STK32B: variants seen among roughly 807,000 people sequenced by gnomAD.
STK32B encodes serine/threonine-protein kinase 32B.
A neutral mutation model predicts 52.6 loss-of-function variants in STK32B; 43 were observed. The ratio of observed to expected loss-of-function variants is 0.82; its 90% CI spans 0.64 to 1.05. The LOEUF (loss-of-function observed/expected upper bound fraction) is 1.05. STK32B is among the 50% of genes least tolerant of loss of function. STK32B has a pLI of 0.00. For missense variants in STK32B, 621 were observed against 534.6 expected (o/e 1.16, Z -1.59); for synonymous variants, 238 against 204.3 (o/e 1.17, Z -1.41).
chr4:5,266,415 G>A (rs1259457907), intron 3 of STK32B, among the ~76,000 whole-genome samples: 1 of 152,160 alleles, frequency 6.6e-6, no homozygotes, highest in Non-Finnish European at 1.5e-5. Context: ...GTTAGGTCTG[G>A]TTTCAAAAAC....
chr4:5,239,088 G>A (rs1724824329), intron 3 of STK32B, among the ~76,000 whole-genome samples: 1 of 152,144 alleles, frequency 6.6e-6, no homozygotes, highest in Non-Finnish European at 1.5e-5. Flanking sequence ...CATGCTGCAG[G>A]AGCAGTGCAT....
At chr4:5,373,019 T>C (rs1018090940) in intron 4 of STK32B, among the ~76,000 whole-genome samples, 2 of 152,072 alleles carry the variant, frequency 1.3e-5, no homozygotes, top group Middle Eastern at 3.2e-3. Context: ...TTGGGAGTCG[T>C]GATTGGAATT....
In STK32B at chr4:5,234,300, T is replaced by C. The variant is rs146514253; in HGVS notation, c.260+65850T>C. 1.4e-3 allele frequency among the ~76,000 whole-genome samples: 217 copies of C among 152,350 alleles called. 1 individual carries two copies. The highest frequency in any genetic ancestry group is 4.9e-3 in the African/African-American group (202 of 41,580). ...AAATAGGTATAATGAATAATAATTA[T>C]GTCTGAAATGAGCTATTGTATACCA... is the stretch of plus-strand genomic sequence containing the variant. On this transcript the variant is annotated intron_variant, in intron 3 of 11. Transcript: ENST00000282908.
chr4:5,160,433 G>T (rs1417016203), intron 2 of STK32B, among the ~76,000 whole-genome samples: 1 of 152,132 alleles, frequency 6.6e-6, no homozygotes, highest in Non-Finnish European at 1.5e-5. Context: ...TTCCACAGAG[G>T]CTGTGCCCTC....
intron 3 of STK32B, among the ~76,000 whole-genome samples, chr4:5,188,172 G>T (rs1720894105): frequency 6.6e-6 from 1 of 152,174 alleles, no homozygotes; most frequent in South Asian, 2.1e-4. Flanking sequence ...CTATAAATTT[G>T]CTGGAGAGTT....
intron 3 of STK32B, among the ~76,000 whole-genome samples, chr4:5,211,535 G>T (rs1225805768): frequency 1.3e-5 from 2 of 152,126 alleles, no homozygotes; most frequent in Non-Finnish European, 2.9e-5. Context: ...GAAAGCACTT[G>T]TGTGTGAGTC....
chr4:5,499,225 C>T lies in STK32B; in HGVS notation c.*142C>T. Reference sequence around the variant, plus strand: ...AGCCCTGGACTTGGAGCTGGGAAGCCTGGGTTCTGGTCCCATCTCCATGAC... The same window carrying T: ...AGCCCTGGACTTGGAGCTGGGAAGCTTGGGTTCTGGTCCCATCTCCATGAC... On this transcript the variant is annotated 3_prime_UTR_variant, in exon 12 of 12. Coordinates refer to ENST00000282908, the MANE Select transcript of STK32B (RefSeq NM_018401.3). 1.6e-6 allele frequency: 2 copies of T among 1,233,780 alleles called. No homozygotes were observed. Among genetic ancestry groups the T allele is most frequent in the Non-Finnish European group, 2.2e-6 (2 of 922,230 alleles). The allele number at this position is 1,233,780 out of a possible 1,614,324, so 76.4% of individuals were successfully genotyped here.
intron 3 of STK32B, among the ~76,000 whole-genome samples, chr4:5,317,937 T>A (rs539826801): frequency 6.6e-6 from 1 of 152,106 alleles, no homozygotes; most frequent in South Asian, 2.1e-4. Flanking sequence ...AATTGCCAAA[T>A]TTCAGGTTTT....
intron 3 of STK32B, among the ~76,000 whole-genome samples, chr4:5,320,415 C>T (rs1731410380): frequency 6.6e-6 from 1 of 152,152 alleles, no homozygotes; most frequent in Non-Finnish European, 1.5e-5. Flanking sequence ...ATTCCATAGT[C>T]AAAATGGTAA....
intron 1 of STK32B, among the ~76,000 whole-genome samples, chr4:5,100,591 CTTCTTCCT>C (rs1279246635): frequency 7.1e-6 from 1 of 140,672 alleles, no homozygotes; most frequent in Non-Finnish European, 1.5e-5. Context: ...GCCTCCCTCC[CTTCTTCCT>C]TTCTTCCTTC....
chr4:5,446,284 G>C (rs1012229966), intron 6 of STK32B, among the ~76,000 whole-genome samples: 4 of 152,186 alleles, frequency 2.6e-5, no homozygotes, highest in African/African-American at 9.7e-5. Context: ...CTAGATTTCT[G>C]ACCGGATGCG....
intron 3 of STK32B, among the ~76,000 whole-genome samples, chr4:5,256,762 G>T (rs1207892741): frequency 2.0e-5 from 3 of 152,212 alleles, no homozygotes; most frequent in Non-Finnish European, 2.9e-5. Context: ...CTGGGCACAA[G>T]ATGGACTAGG....
chr4:5,278,130 G>A (rs999113980), intron 3 of STK32B, among the ~76,000 whole-genome samples: 1 of 152,170 alleles, frequency 6.6e-6, no homozygotes, highest in African/African-American at 2.4e-5. Flanking sequence ...TGACGTGGGA[G>A]GTTTTGACTT....
Position 5,304,175 on chromosome 4 carries a change from C to G in STK32B, c.261-27045C>G, listed in dbSNP as rs139500490. The stretch of plus-strand genomic sequence containing the variant: ...TGGCTATGCAGGCTCTTTTTTGATT[C>G]CATATGAATTTTAGGATTGTTTTCT... On this transcript the variant is annotated intron_variant, in intron 3 of 11. Transcript: ENST00000282908. Among the ~76,000 whole-genome samples the G allele has an allele frequency of 4.4e-3, 664 of 151,996 alleles. 6 individuals are homozygous for G. Among genetic ancestry groups the G allele is most frequent in the African/African-American group, 0.015 (605 of 41,478 alleles).
intron 2 of STK32B, among the ~76,000 whole-genome samples, chr4:5,154,358 G>A (rs906721724): frequency 6.6e-6 from 1 of 152,074 alleles, no homozygotes; most frequent in South Asian, 2.1e-4. Context: ...TGAGATTAGA[G>A]GCATGTGCCA....
chr4:5,230,178 C>CTTTTTTTTTTTTT lies in STK32B; in HGVS notation c.260+61747_260+61759dup, dbSNP rs752036100. On this transcript the variant is annotated intron_variant, in intron 3 of 11. Coordinates refer to ENST00000282908, the MANE Select transcript of STK32B (RefSeq NM_018401.3). Reference sequence around the variant, plus strand: ...AGAAGAACACTCAAGCATGCATTCCCTTTTTTTTTTTTTTTTTTTTTTTTT... The same window carrying CTTTTTTTTTTTTT: ...AGAAGAACACTCAAGCATGCATTCCCTTTTTTTTTTTTTTTTTTTTTTTTTTTTTTTTTTTTTT... Among the ~76,000 whole-genome samples the CTTTTTTTTTTTTT allele has an allele frequency of 1.6e-3, 115 of 71,114 alleles. 6 individuals carry two copies. The highest frequency in any genetic ancestry group is 4.8e-3 in the East Asian group (13 of 2,736). The allele number at this position is 71,114 out of a possible 152,430, so 46.7% of individuals were successfully genotyped here.
intron 3 of STK32B, among the ~76,000 whole-genome samples, chr4:5,285,936 A>C (rs1728513518): frequency 6.6e-6 from 1 of 152,204 alleles, no homozygotes; most frequent in African/African-American, 2.4e-5. Flanking sequence ...TAATTAAGTT[A>C]AAGTGAGGTC....
chr4:5,380,429 T>C lies in STK32B; in HGVS notation c.435-17778T>C, dbSNP rs1735868754. Among the ~76,000 whole-genome samples the C allele has an allele frequency of 6.6e-6, 1 of 152,170 alleles. No homozygotes were observed. The highest frequency in any genetic ancestry group is 2.1e-4 in the South Asian group (1 of 4,832). On this transcript the variant is annotated intron_variant, in intron 4 of 11. Transcript: ENST00000282908. The surrounding 1 kb of genome is among the most constrained non-coding windows in gnomAD (Gnocchi z 4.3). ...TTACTCTGAAGAGGTACAGGAATTTTCCTGATGCTATGTCTAATTTTGTGA... is the reference window on the plus strand; with the variant it reads ...TTACTCTGAAGAGGTACAGGAATTTCCCTGATGCTATGTCTAATTTTGTGA...
intron 4 of STK32B, among the ~76,000 whole-genome samples, chr4:5,356,698 G>A (rs1051581395): frequency 6.6e-6 from 1 of 152,098 alleles, no homozygotes; most frequent in Non-Finnish European, 1.5e-5. Flanking sequence ...CACGGTAGGT[G>A]TTTAATAAGT....
Sources: gnomAD v4.1 joint callset for allele counts (sites outside exome capture counted in the v4.1 genomes callset) on GRCh38, gnomAD v4.1.1 for gene constraint, Gnocchi (gnomAD v3.1) non-coding constraint, MANE v1.5 for transcripts, NCBI Gene and HGNC (gene_info 2026-07-23, HGNC 2026-07-21) for gene names.